RAF1: variants seen among roughly 807,000 people sequenced by gnomAD.
RAF1 encodes RAF proto-oncogene serine/threonine-protein kinase.
In RAF1, 27 loss-of-function variants were observed where a neutral mutation model predicts 81.1. That is an observed-to-expected ratio of 0.33 (90% confidence interval 0.25 to 0.46). The LOEUF (loss-of-function observed/expected upper bound fraction) is 0.46, where lower values mean the gene tolerates loss of function less well. RAF1 is among the 20% of genes least tolerant of loss of function. The pLI is 1.00. For missense variants in RAF1, 598 were observed against 826.0 expected, an observed-to-expected ratio of 0.72 and a Z score of 3.38; for synonymous variants, 298 against 294.0, an observed-to-expected ratio of 1.01 and a Z score of -0.14.
Position 12,587,645 on chromosome 3 carries a change from G to T in RAF1, c.1431-8C>A. The T allele has an allele frequency of 6.2e-7, 1 of 1,603,244 alleles. No homozygotes were observed. The highest frequency in any genetic ancestry group is 8.5e-7 in the Non-Finnish European group (1 of 1,170,162). ...TTCTTTGCATGCAAATAGCTGTGAA[G>T]GGAAAAGAAATTATTAAAAATAAGT... On this transcript the variant is annotated splice_polypyrimidine_tract_variant and splice_region_variant and intron_variant, in intron 13 of 17. Transcript: ENST00000442415.
chr3:12,659,249 G>A (rs1486624910), intron 1 of RAF1, among the ~76,000 whole-genome samples: 2 of 151,504 alleles, frequency 1.3e-5, no homozygotes, highest in African/African-American at 4.9e-5. Flanking sequence ...CCAACATGGT[G>A]AAACCTCGTC....
At chr3:12,628,246 G>A (rs891255266) in intron 1 of RAF1, among the ~76,000 whole-genome samples, 1 of 152,182 alleles carries the variant, frequency 6.6e-6, no homozygotes, top group Admixed American at 6.5e-5. Flanking sequence ...AGATCACTTA[G>A]GCCCAGGAGT....
chr3:12,650,914 T>G (rs2060503697), intron 1 of RAF1, among the ~76,000 whole-genome samples: 1 of 152,160 alleles, frequency 6.6e-6, no homozygotes, highest in Non-Finnish European at 1.5e-5. Flanking sequence ...GATATTTCAT[T>G]GTGTATTTGA....
Position 12,590,967 on chromosome 3 carries a change from G to A in RAF1, c.1261C>T (p.Arg421Trp), listed in dbSNP as rs2125343630. The A allele has an allele frequency of 6.2e-7, 1 of 1,608,944 alleles. No individual in the cohort carries two copies. The highest frequency in any genetic ancestry group is 8.5e-7 in the Non-Finnish European group (1 of 1,175,892). ...ATGAAAAGCAGAATGTTCACATGCCGTGTTTTGCTGGGGAGGGGAGGGGAA... is the reference window on the plus strand; with the variant it reads ...ATGAAAAGCAGAATGTTCACATGCCATGTTTTGCTGGGGAGGGGAGGGGAA... The change falls in exon 13 of 18, where the codon CGG becomes TGG. Residue 421 changes from arginine (R) to tryptophan (W), a missense_variant. Arg to Trp is a moderately radical substitution (Grantham distance 101). Coordinates refer to ENST00000442415, the MANE Select transcript of RAF1 (RefSeq NM_001354689.3).
intron 13 of RAF1, 49 bp downstream of exon 12, chr3:12,590,749 G>A (rs1184853280): frequency 1.3e-6 from 2 of 1,556,608 alleles, no homozygotes; most frequent in Non-Finnish European, 1.8e-6. Flanking sequence ...CCAATTTAGG[G>A]ACAAATTTGA....
At chr3:12,622,242 A>C (rs1232126781) in intron 1 of RAF1, among the ~76,000 whole-genome samples, 1 of 152,200 alleles carries the variant, frequency 6.6e-6, no homozygotes, top group Non-Finnish European at 1.5e-5. Flanking sequence ...AGAGAGAAAT[A>C]GATGACGGAA....
Position 12,653,346 on chromosome 3 carries a change from C to T in RAF1, c.-27+10467G>A, listed in dbSNP as rs2060592208. Among the ~76,000 whole-genome samples, 6 of 152,254 alleles carry T rather than the reference C, an allele frequency of 3.9e-5. No homozygotes were observed. In the South Asian group the frequency reaches 1.2e-3, roughly 32 times the overall value. ...GTAATTTCATAGCCACCTCTTCTTT[C>T]TATTGCAGTGAACTCAAGTGTTACA... On this transcript the variant is annotated intron_variant, in intron 1 of 17. Coordinates refer to ENST00000442415, the MANE Select transcript of RAF1 (RefSeq NM_001354689.3).
chr3:12,583,614 T>A lies in RAF1; in HGVS notation c.*900A>T, dbSNP rs547546493. The A allele has an allele frequency of 4.3e-6, 1 of 231,712 alleles. No individual in the cohort carries two copies. The highest frequency in any genetic ancestry group is 5.6e-5 in the Admixed American group (1 of 17,752). 14.4% of individuals were successfully genotyped at this position (231,712 alleles called of 1,614,324 possible). On this transcript the variant is annotated 3_prime_UTR_variant, in exon 18 of 18. Transcript: ENST00000442415. ...AACAGCCAGCCATTACACCTAAATTTAATTTATTTTATTAAAATAACATAA... is the reference window on the plus strand; with the variant it reads ...AACAGCCAGCCATTACACCTAAATTAAATTTATTTTATTAAAATAACATAA...
intron 1 of RAF1, among the ~76,000 whole-genome samples, chr3:12,625,580 T>C (rs1332832670): frequency 1.3e-5 from 2 of 152,090 alleles, no homozygotes; most frequent in African/African-American, 2.4e-5. Flanking sequence ...GAAAATTACC[T>C]CAGACTCAAA....
At chr3:12,587,667 A>C in intron 13 of RAF1, 30 bp from the exon 13 acceptor site, 1 of 1,572,966 alleles carries the variant, frequency 6.4e-7, no homozygotes, top group Non-Finnish European at 8.8e-7. Context: ...TATTAAAAAT[A>C]AGTTTGAGGG....
chr3:12,594,846 T>C lies in RAF1; in HGVS notation c.1169-3054A>G, dbSNP rs139392440. On this transcript the variant is annotated intron_variant, in intron 11 of 17. Transcript: ENST00000442415. ...AACCAAAGACAGTGCCCATGGTACTTGCAGGGATCCATCTGCCAGCCAGCT... is the reference window on the plus strand; with the variant it reads ...AACCAAAGACAGTGCCCATGGTACTCGCAGGGATCCATCTGCCAGCCAGCT... 3.2e-3 allele frequency among the ~76,000 whole-genome samples: 487 copies of C among 152,272 alleles called. 3 individuals carry two copies. The highest frequency in any genetic ancestry group is 0.011 in the African/African-American group (456 of 41,556).
chr3:12,635,171 C>T (rs1043746912), intron 1 of RAF1, among the ~76,000 whole-genome samples: 1 of 151,524 alleles, frequency 6.6e-6, no homozygotes, highest in African/African-American at 2.4e-5. Context: ...GTTAAAAATA[C>T]AAAAATTAGC....
chr3:12,641,936 A>C (rs2125534578), intron 1 of RAF1, among the ~76,000 whole-genome samples: 1 of 150,300 alleles, frequency 6.7e-6, no homozygotes, highest in African/African-American at 2.4e-5. Flanking sequence ...ATCTGAGGTC[A>C]GGAGTTCGAG....
rs777139370 is a variant in RAF1 at position 12,585,267 on chromosome 3, C to G, written c.1597-14G>C. ...CACCTCTGGGGCCTACATGTATCAC[C>G]ATATGACAAAAGTGCATTTATCACC... On this transcript the variant is annotated splice_polypyrimidine_tract_variant and intron_variant, in intron 15 of 17. Coordinates refer to ENST00000442415, the MANE Select transcript of RAF1 (RefSeq NM_001354689.3). 1.7e-5 allele frequency: 27 copies of G among 1,613,774 alleles called. No individual in the cohort carries two copies. In the South Asian group the frequency reaches 3.0e-4, roughly 18 times the overall value.
chr3:12,623,670 T>C (rs1391689061), intron 1 of RAF1, among the ~76,000 whole-genome samples: 1 of 151,810 alleles, frequency 6.6e-6, no homozygotes, highest in East Asian at 2.0e-4. Flanking sequence ...GGTGGGCACC[T>C]GTAGTCCCAG....
chr3:12,629,919 A>G (rs1337398773), intron 1 of RAF1, among the ~76,000 whole-genome samples: 1 of 152,124 alleles, frequency 6.6e-6, no homozygotes, highest in African/African-American at 2.4e-5. Context: ...ATTAGCTGGG[A>G]CTACAGGTGC....
intron 13 of RAF1, 147 bp from the exon 13 acceptor site, chr3:12,587,784 G>T: frequency 1.6e-6 from 1 of 643,756 alleles, no homozygotes; most frequent in Admixed American, 2.5e-5. Context: ...GTTCAGCCTG[G>T]TTCACATCAC....
intron 17 of RAF1, 79 bp downstream of exon 16, chr3:12,584,768 C>CAA (rs2058268604): frequency 1.2e-6 from 2 of 1,613,484 alleles, no homozygotes; most frequent in East Asian, 4.5e-5. Flanking sequence ...TAAAACAAAA[C>CAA]AAAACACTCC....
At chr3:12,612,184 GA>G (rs1262974597) in intron 2 of RAF1, 122 bp from the exon 3 acceptor site, 15 of 743,728 alleles carry the variant, frequency 2.0e-5, no homozygotes, top group South Asian at 1.1e-4. Context: ...ACACATATAC[GA>G]AACAACCTGA....
Sources: allele counts gnomAD v4.1 joint callset (sites outside exome capture counted in the v4.1 genomes callset), GRCh38; gene constraint gnomAD v4.1.1; transcripts MANE v1.5; gene names NCBI Gene and HGNC (gene_info 2026-07-23, HGNC 2026-07-21).